The following ST7 variants were observed in gnomAD, a reference collection of about 807,000 sequenced individuals.
The protein encoded by ST7 is suppression of tumorigenicity 7.
In ST7, 28 loss-of-function variants were observed where a neutral mutation model predicts 78.7. The observed-to-expected ratio is 0.36, with a 90% confidence interval of 0.26 to 0.49. The LOEUF (loss-of-function observed/expected upper bound fraction) is 0.49, where lower values mean the gene tolerates loss of function less well. ST7 is among the 20% of genes least tolerant of loss of function. The pLI, the probability that ST7 is intolerant of heterozygous loss-of-function variation, is 0.99. For missense variants in ST7, 418 were observed against 696.0 expected (o/e 0.60, Z 4.49); for synonymous variants, 247 against 249.6 (o/e 0.99, Z 0.10).
chr7:117,078,048 A>G (rs1386265903), intron 1 of ST7, among the ~76,000 whole-genome samples: 1 of 152,184 alleles, frequency 6.6e-6, no homozygotes, highest in Non-Finnish European at 1.5e-5. Context: ...AGAGCCTTGT[A>G]GTTCAAATCT....
intron 1 of ST7, among the ~76,000 whole-genome samples, chr7:117,009,392 G>T (rs1356834713): frequency 6.6e-6 from 1 of 151,728 alleles, no homozygotes; most frequent in Non-Finnish European, 1.5e-5. Context: ...CACACAGGAA[G>T]GTCTGTGGTT....
intron 1 of ST7, among the ~76,000 whole-genome samples, chr7:116,997,088 G>T (rs1188424634): frequency 6.6e-6 from 1 of 152,088 alleles, no homozygotes; most frequent in Non-Finnish European, 1.5e-5. Context: ...TCTGATGTTC[G>T]GATGTGTTCT....
At chr7:116,991,440 C>T (rs575000123) in intron 1 of ST7, among the ~76,000 whole-genome samples, 1 of 152,282 alleles carries the variant, frequency 6.6e-6, no homozygotes, top group Non-Finnish European at 1.5e-5. Context: ...GCACTTCTTA[C>T]ATGGTGGCGG....
At chr7:117,210,442 G>A (rs926943489) in intron 13 of ST7, among the ~76,000 whole-genome samples, 2 of 152,194 alleles carry the variant, frequency 1.3e-5, no homozygotes, top group African/African-American at 4.8e-5. Flanking sequence ...GCTAGGAGGT[G>A]TAGCATTCAT....
intron 2 of ST7, among the ~76,000 whole-genome samples, chr7:117,117,526 C>T (rs569002522): frequency 6.6e-6 from 1 of 152,236 alleles, no homozygotes; most frequent in East Asian, 1.9e-4. Context: ...CTAATAAATG[C>T]AAAGCCATGA....
In ST7 at chr7:117,118,723, C is replaced by A. The variant is rs555150150; in HGVS notation, c.235-838C>A. Reference sequence around the variant, plus strand: ...AGATGTGGGGGAGAACCGCTTTGAGCAGTGGTAGGAAGTGTTCACTGTAGA... The same window carrying A: ...AGATGTGGGGGAGAACCGCTTTGAGAAGTGGTAGGAAGTGTTCACTGTAGA... On this transcript the variant is annotated intron_variant, in intron 2 of 15. Transcript: ENST00000323984. Among the ~76,000 whole-genome samples, 5 of 152,252 alleles carry A rather than the reference C, an allele frequency of 3.3e-5. No homozygotes were observed. In the East Asian group the frequency reaches 5.8e-4, roughly 18 times the overall value.
intron 1 of ST7, among the ~76,000 whole-genome samples, chr7:116,966,635 G>A (rs1056176710): frequency 6.6e-6 from 1 of 152,142 alleles, no homozygotes; most frequent in Non-Finnish European, 1.5e-5. Flanking sequence ...TCTCTTTTTA[G>A]TATTGACTAG....
intron 1 of ST7, among the ~76,000 whole-genome samples, chr7:116,982,095 G>T (rs1469358115): frequency 1.3e-5 from 2 of 152,174 alleles, no homozygotes; most frequent in Non-Finnish European, 2.9e-5. Context: ...TAATCTTTTG[G>T]TATATAATCT....
rs575290463 is a variant in ST7, at chr7:117,192,906, C to T, written c.1254+1970C>T. Among the ~76,000 whole-genome samples the T allele has an allele frequency of 8.5e-5, 13 of 152,256 alleles. No individual in the cohort carries two copies. The East Asian group carries it at 2.5e-3, about 29-fold the overall frequency. ...TGGAAACATTTCAAATATTTGATTG[C>T]ACTCTACTTTCTAATCATGAAACTG... On this transcript the variant is annotated intron_variant, in intron 12 of 15. Coordinates refer to ENST00000323984, the MANE Select transcript of ST7 (RefSeq NM_001369598.1).
chr7:117,003,916 TTC>T, intron 1 of ST7, among the ~76,000 whole-genome samples: 1 of 152,240 alleles, frequency 6.6e-6, no homozygotes, highest in South Asian at 2.1e-4. Context: ...CTGTTCAGAG[TTC>T]TCTCCTTCAT....
chr7:117,018,417 A>C (rs1369844153), intron 1 of ST7, among the ~76,000 whole-genome samples: 1 of 152,040 alleles, frequency 6.6e-6, no homozygotes, highest in Non-Finnish European at 1.5e-5. Context: ...GAAGGTATAC[A>C]TTTTTATTAA....
chr7:117,070,247 AGTTCAAGACCTG>A, intron 1 of ST7, among the ~76,000 whole-genome samples: 1 of 152,344 alleles, frequency 6.6e-6, no homozygotes, highest in South Asian at 2.1e-4. Flanking sequence ...AAGTCCAGTG[AGTTCAAGACCTG>A]GTTCACTATT....
intron 1 of ST7, among the ~76,000 whole-genome samples, chr7:117,066,108 C>G (rs554228417): frequency 1.2e-4 from 19 of 152,194 alleles, no homozygotes; most frequent in African/African-American, 3.9e-4. Context: ...CTGATTTATT[C>G]ATGTTTTTTC....
At chr7:117,185,299 C>T (rs951876823) in intron 10 of ST7, among the ~76,000 whole-genome samples, 2 of 152,282 alleles carry the variant, frequency 1.3e-5, no homozygotes, top group South Asian at 4.1e-4. Flanking sequence ...TCTGTGCTGT[C>T]GGTATCTGGC....
intron 10 of ST7, among the ~76,000 whole-genome samples, chr7:117,188,120 C>G (rs1809434387): frequency 6.6e-6 from 1 of 152,140 alleles, no homozygotes; most frequent in Non-Finnish European, 1.5e-5. Context: ...TGAAATTTCC[C>G]TCAAAGAGAA....
intron 12 of ST7, among the ~76,000 whole-genome samples, chr7:117,201,963 T>TGAGAGATCTCGGGTGCTCCTAC (rs1445267073): frequency 6.6e-5 from 5 of 76,014 alleles, no homozygotes; most frequent in African/African-American, 1.3e-4. Flanking sequence ...GAAGCTATCT[T>TGAGAGATCTCGGGTGCTCCTAC]TTTTTTTTTT....
chr7:116,963,655 G>A (rs1451618164), intron 1 of ST7, among the ~76,000 whole-genome samples: 6 of 145,244 alleles, frequency 4.1e-5, no homozygotes, highest in East Asian at 2.0e-4. Flanking sequence ...TTTTGGAGAC[G>A]GAGTCTCACT....
intron 1 of ST7, among the ~76,000 whole-genome samples, chr7:117,024,603 A>G (rs1796098843): frequency 6.6e-6 from 1 of 152,160 alleles, no homozygotes; most frequent in Non-Finnish European, 1.5e-5. Flanking sequence ...AATTTTTTGT[A>G]TAGTTATAAT....
rs1439666478 is a variant in ST7, at chr7:117,138,461, A to C, written c.892A>C (p.Ile298Leu). The change falls in exon 9 of 16, where the codon ATC (isoleucine) becomes CTC (leucine). Residue 298 changes from isoleucine to leucine, a missense_variant. This residue lies in a region of ST7 where 288 missense variants were observed against 537.1 expected (regional missense o/e 0.54). Transcript: ENST00000323984. ...HRRDTNVLVY[I>L]KRRLAMCARR... ...ACGAGACACCAATGTCTTGGTGTAC[A>C]TCAAAAGAAGGCTAGCAATGTGTGC... The C allele has an allele frequency of 6.2e-7, 1 of 1,609,600 alleles. No individual in the cohort carries two copies. The highest frequency in any genetic ancestry group is 1.3e-5 in the African/African-American group (1 of 74,612).
Sources: allele counts gnomAD v4.1 joint callset (sites outside exome capture counted in the v4.1 genomes callset), GRCh38; gene constraint gnomAD v4.1.1; regional missense constraint gnomAD v4.1.1; transcripts MANE v1.5; gene names NCBI Gene and HGNC (gene_info 2026-07-23, HGNC 2026-07-21).